Variants in GLB1 observed in about 807,000 individuals in gnomAD.
The protein encoded by GLB1 is galactosidase beta 1, also known as beta-galactosidase.
In GLB1, 56 loss-of-function variants were observed where a neutral mutation model predicts 74.0. That is an observed-to-expected ratio of 0.76 (90% confidence interval 0.61 to 0.94). The LOEUF is 0.94. Ranked by LOEUF, GLB1 falls within the 40% of genes least tolerant of loss-of-function variation. GLB1 has a pLI of 0.00. For missense variants in GLB1, 787 were observed against 845.5 expected (o/e 0.93, Z 0.86); for synonymous variants, 323 against 323.6 (o/e 1.00, Z 0.02).
chr3:33,016,978 A>G, intron 13 of GLB1, 138 bp from the exon 14 acceptor site: 1 of 1,411,298 alleles, frequency 7.1e-7, no homozygotes, highest in Non-Finnish European at 9.5e-7. Flanking sequence ...CTTTGATAGC[A>G]TCTTAGCCCA....
chr3:32,967,904 C>T, the GLB1 span, among the ~76,000 whole-genome samples: 6 of 152,076 alleles, frequency 3.9e-5, no homozygotes, highest in Admixed American at 2.0e-4. Context: ...TCAGGAACCA[C>T]GGTAAGGAGC....
At chr3:33,004,567 AT>A (rs1436676292) in intron 15 of GLB1, among the ~76,000 whole-genome samples, 1 of 152,066 alleles carries the variant, frequency 6.6e-6, no homozygotes, top group Non-Finnish European at 1.5e-5. Context: ...CAATCACCAA[AT>A]CCCACTGGGG....
chr3:33,012,839 T>C (rs4402881), intron 15 of GLB1, among the ~76,000 whole-genome samples: 142,533 of 152,222 alleles, frequency 0.94, 67,442 homozygotes, highest in East Asian at 1. Context: ...GATCCAACTT[T>C]GAACATCTCT....
At chr3:33,057,102 C>A (rs759895586) in intron 6 of GLB1, among the ~76,000 whole-genome samples, 3 of 152,222 alleles carry the variant, frequency 2.0e-5, no homozygotes, top group Non-Finnish European at 4.4e-5. Context: ...AATGGGTTAG[C>A]ACCATCCCCT....
At chr3:33,055,915 G>C (rs937015637) in intron 6 of GLB1, among the ~76,000 whole-genome samples, 2 of 151,644 alleles carry the variant, frequency 1.3e-5, no homozygotes, top group African/African-American at 4.8e-5. Flanking sequence ...TTTTGATAAG[G>C]TAGAAGAACC....
In GLB1 at chr3:33,093,450, T is replaced by C; in HGVS notation, c.75+3561A>G. ...CGTCCGCAGGACCGAGGCTTCTGAG[T>C]CGGAGAGGTCACCCACAATCACCGT... On this transcript the variant is annotated intron_variant, in intron 1 of 15. Coordinates refer to ENST00000307363, the MANE Select transcript of GLB1 (RefSeq NM_000404.4). This position sits in a 1 kb window ranked among gnomAD's most constrained non-coding sequence, Gnocchi z 6.0. 1 of 1,613,762 alleles carries C rather than the reference T, an allele frequency of 6.2e-7. No individual in the cohort carries two copies. The highest frequency in any genetic ancestry group is 8.5e-7 in the Non-Finnish European group (1 of 1,179,964).
intron 4 of GLB1, among the ~76,000 whole-genome samples, chr3:33,067,763 G>T (rs896308994): frequency 2.0e-5 from 3 of 152,190 alleles, no homozygotes; most frequent in African/African-American, 4.8e-5. Context: ...GGTTTAGTTT[G>T]TTGCTATGCA....
At chr3:32,973,997 T>C in the GLB1 span, among the ~76,000 whole-genome samples, 1 of 152,100 alleles carries the variant, frequency 6.6e-6, no homozygotes, top group Admixed American at 6.5e-5. Context: ...AGTCAGAGGC[T>C]AGGGCAAGGC....
chr3:33,051,949 G>A lies in GLB1; in HGVS notation c.848C>T (p.Thr283Ile). The part of the protein sequence containing the change: ...WLDHWGQPHS[T>I]IKTEAVASSL... ...GGAAGCCACTGCTTCGGTCTTGATT[G>A]TGGAGTGAGGTTGGCCCCAGTGATC... is the stretch of plus-strand genomic sequence containing the variant. Residue 283 changes from threonine to isoleucine, a missense_variant, in exon 8 of 16, where the codon ACA (threonine) becomes ATA (isoleucine). By Grantham distance (89) the Thr-to-Ile change is moderately conservative (BLOSUM62 -1). Coordinates refer to ENST00000307363, the MANE Select transcript of GLB1 (RefSeq NM_000404.4). The A allele has an allele frequency of 1.9e-6, 3 of 1,614,256 alleles. No individual in the cohort carries two copies. The highest frequency in any genetic ancestry group is 1.3e-5 in the African/African-American group (1 of 75,062).
At chr3:33,074,369 G>GAAAGA in intron 1 of GLB1, among the ~76,000 whole-genome samples, 111 of 6,542 alleles carry the variant, frequency 0.017, 11 homozygotes, top group African/African-American at 0.024. Flanking sequence ...AGGAAGGAAG[G>GAAAGA]AAGGAAGGAA....
intron 5 of GLB1, among the ~76,000 whole-genome samples, chr3:33,058,653 T>G (rs764954189): frequency 7.8e-4 from 119 of 152,318 alleles, no homozygotes; most frequent in Non-Finnish European, 1.0e-3. Context: ...TTAATTCCAT[T>G]GCCCAGAGAT....
chr3:32,973,674 T>C, the GLB1 span, among the ~76,000 whole-genome samples: 1 of 152,004 alleles, frequency 6.6e-6, no homozygotes, highest in African/African-American at 2.4e-5. Flanking sequence ...TTACTTTCAA[T>C]GGCCAAAACC....
chr3:33,059,575 T>C (rs1404100312), intron 5 of GLB1, among the ~76,000 whole-genome samples: 2 of 152,034 alleles, frequency 1.3e-5, no homozygotes, highest in Non-Finnish European at 2.9e-5. Flanking sequence ...AACTATAAAG[T>C]CTGAGTACAC....
intron 1 of GLB1, among the ~76,000 whole-genome samples, chr3:33,095,329 A>G (rs1700976387): frequency 1.3e-5 from 2 of 151,986 alleles, no homozygotes; most frequent in Admixed American, 6.6e-5. Context: ...CATCCTGGCT[A>G]ACATGGTGAA....
intron 15 of GLB1, among the ~76,000 whole-genome samples, chr3:33,006,871 G>A (rs1334272556): frequency 1.3e-5 from 2 of 152,158 alleles, no homozygotes; most frequent in Admixed American, 6.5e-5. Flanking sequence ...AAGGATGTGG[G>A]GGTTAGTGCA....
intron 10 of GLB1, among the ~76,000 whole-genome samples, chr3:33,025,019 C>T (rs568623871): frequency 1.3e-5 from 2 of 151,742 alleles, no homozygotes; most frequent in Non-Finnish European, 2.9e-5. Flanking sequence ...GATCTCAGCT[C>T]ACCGCAACCT....
At chr3:33,003,434 C>G (rs55865838) in intron 15 of GLB1, among the ~76,000 whole-genome samples, 1 of 152,230 alleles carries the variant, frequency 6.6e-6, no homozygotes, top group Admixed American at 6.5e-5. Context: ...AGAAGACCTT[C>G]TTTCACTTCT....
chr3:33,086,677 T>C (rs1385815734), intron 1 of GLB1, among the ~76,000 whole-genome samples: 2 of 152,200 alleles, frequency 1.3e-5, no homozygotes, highest in Non-Finnish European at 2.9e-5. Flanking sequence ...TTTAGCTCTA[T>C]GAGCTCACAG....
chr3:33,040,093 A>G (rs755368871), intron 10 of GLB1, among the ~76,000 whole-genome samples: 2 of 152,216 alleles, frequency 1.3e-5, no homozygotes, highest in Non-Finnish European at 2.9e-5. Flanking sequence ...AAACTGTGAT[A>G]TAATAAATAT....
Sources: gnomAD v4.1 joint callset for allele counts (sites outside exome capture counted in the v4.1 genomes callset) on GRCh38, gnomAD v4.1.1 for gene constraint, Gnocchi (gnomAD v3.1) non-coding constraint, MANE v1.5 for transcripts, NCBI Gene and HGNC (gene_info 2026-07-23, HGNC 2026-07-21) for gene names.